The following PARVB variants were observed in gnomAD, a reference collection of about 807,000 sequenced individuals.
PARVB encodes parvin beta.
In PARVB, 46 loss-of-function variants were observed where a neutral mutation model predicts 47.0. The ratio of observed to expected loss-of-function variants is 0.98; its 90% CI spans 0.77 to 1.25. PARVB has a LOEUF of 1.25. Ranked by LOEUF, PARVB falls within the 50% of genes most tolerant of loss-of-function variation. PARVB has a pLI of 0.00. For synonymous variants in PARVB, 196 were observed against 196.3 expected, an observed-to-expected ratio of 1.00 and a Z score of 0.01; for missense variants, 473 against 471.6, an observed-to-expected ratio of 1.00 and a Z score of -0.03.
At chr22:44,077,455 C>T (rs2051802170) in intron 1 of PARVB, among the ~76,000 whole-genome samples, 1 of 152,214 alleles carries the variant, frequency 6.6e-6, no homozygotes, top group Admixed American at 6.5e-5. Context: ...GCCACAGTCA[C>T]AGGTGTTGGG....
At chr22:44,033,534 T>C (rs1378731893) in intron 1 of PARVB, among the ~76,000 whole-genome samples, 2 of 152,214 alleles carry the variant, frequency 1.3e-5, no homozygotes, top group African/African-American at 2.4e-5. Context: ...GGGAGTTCTT[T>C]ACGCTTGCCT....
intron 7 of PARVB, 80 bp from the exon 8 acceptor site, chr22:44,140,044 C>G (rs2053520379): frequency 6.3e-7 from 1 of 1,581,508 alleles, no homozygotes; most frequent in East Asian, 2.2e-5. Flanking sequence ...TGGCTCTGTC[C>G]CTCATCCTCC....
intron 1 of PARVB, among the ~76,000 whole-genome samples, chr22:44,051,264 T>TA (rs1206574690): frequency 6.6e-6 from 1 of 152,156 alleles, no homozygotes; most frequent in African/African-American, 2.4e-5. Flanking sequence ...CAACAATTCT[T>TA]ACGAAGAGAG....
At chr22:44,085,844 G>A (rs2052012114) in intron 1 of PARVB, among the ~76,000 whole-genome samples, 1 of 152,226 alleles carries the variant, frequency 6.6e-6, no homozygotes, top group South Asian at 2.1e-4. Context: ...TAGATCAGCA[G>A]GCTGTCATGC....
Position 44,110,068 on chromosome 22 carries a change from C to A in PARVB, c.274-8970C>A, listed in dbSNP as rs990679086. Reference sequence around the variant, plus strand: ...GCGGAGCTTGCAGTGAGCCGAGATCCCGCCACTGCACTCCAGCCTGGGCGA... The same window carrying A: ...GCGGAGCTTGCAGTGAGCCGAGATCACGCCACTGCACTCCAGCCTGGGCGA... On this transcript the variant is annotated intron_variant, in intron 3 of 12. Transcript: ENST00000338758. 5.1e-5 allele frequency: 7 copies of A among 136,538 alleles called. No individual in the cohort carries two copies. The South Asian group carries it at 7.0e-4, about 14-fold the overall frequency. The allele number at this position is 136,538 out of a possible 1,614,324, so 8.5% of individuals were successfully genotyped here. A position where few individuals can be genotyped will look rare whatever the true frequency, so the allele number is the denominator to read the frequency against.
At chr22:44,111,432 C>CTTTTTTTTTTTTTTTTTTTTTT in intron 3 of PARVB, 1 of 59,234 alleles carries the variant, frequency 1.7e-5, no homozygotes, top group Non-Finnish European at 2.9e-5. Context: ...CCTGCAAAAC[C>CTTTTTTTTTTTTTTTTTTTTTT]TTTTTTTTTT....
intron 3 of PARVB, among the ~76,000 whole-genome samples, chr22:44,118,708 GGT>G (rs1237843479): frequency 1.3e-5 from 2 of 152,148 alleles, no homozygotes; most frequent in Non-Finnish European, 2.9e-5. Flanking sequence ...CTCTGGACCT[GGT>G]GGTGGCCGCA....
At chr22:44,114,443 G>A in intron 3 of PARVB, 1 of 104,646 alleles carries the variant, frequency 9.6e-6, no homozygotes, top group Non-Finnish European at 1.9e-5. Flanking sequence ...ACTAAGTAAG[G>A]CCCTGCACCA....
chr22:44,137,342 C>T (rs1015971013), intron 7 of PARVB, among the ~76,000 whole-genome samples: 2 of 152,124 alleles, frequency 1.3e-5, no homozygotes, highest in East Asian at 1.9e-4. Flanking sequence ...CCCAGGCCCA[C>T]GAAGGGAACA....
intron 1 of PARVB, among the ~76,000 whole-genome samples, chr22:44,032,641 A>G (rs2050846048): frequency 6.6e-6 from 1 of 152,080 alleles, no homozygotes; most frequent in South Asian, 2.1e-4. Flanking sequence ...CTCATCAGCA[A>G]TTGAGTGAGC....
Position 44,042,180 on chromosome 22 carries a change from T to G in PARVB, c.112+17729T>G, listed in dbSNP as rs193215883. Among the ~76,000 whole-genome samples the G allele has an allele frequency of 8.4e-3, 1,276 of 152,002 alleles. 17 individuals carry two copies. Among genetic ancestry groups the G allele is most frequent in the African/African-American group, 0.029 (1,206 of 41,462 alleles). ...CTCATGCCTGTAATCCCAGCACTTT[T>G]GGAGGCCGAGGCAGGTGGATTGCCT... is the stretch of plus-strand genomic sequence containing the variant. On this transcript the variant is annotated intron_variant, in intron 1 of 12. Coordinates refer to ENST00000338758, the MANE Select transcript of PARVB (RefSeq NM_013327.5).
intron 1 of PARVB, among the ~76,000 whole-genome samples, chr22:44,027,330 A>G (rs2146883721): frequency 6.6e-6 from 1 of 152,282 alleles, no homozygotes; most frequent in Middle Eastern, 3.4e-3. Context: ...GAGGTCGGGG[A>G]CAGCCCAGCT....
chr22:44,046,605 A>T (rs899654744), intron 1 of PARVB, among the ~76,000 whole-genome samples: 1 of 152,256 alleles, frequency 6.6e-6, no homozygotes, highest in Non-Finnish European at 1.5e-5. Context: ...ACAATCATTG[A>T]GCCTCGGCAG....
At chr22:44,048,561 TTTTA>T (rs934865355) in intron 1 of PARVB, among the ~76,000 whole-genome samples, 4 of 151,840 alleles carry the variant, frequency 2.6e-5, no homozygotes, top group African/African-American at 9.7e-5. Context: ...TTAATTTTAT[TTTTA>T]TTTATTTATT....
chr22:44,122,245 CCTTGAGGGG>C (rs1369446371), intron 4 of PARVB, among the ~76,000 whole-genome samples: 3 of 152,060 alleles, frequency 2.0e-5, no homozygotes, highest in African/African-American at 7.2e-5. Flanking sequence ...CATCCCAGCA[CCTTGAGGGG>C]CTGAGCCAGG....
At chr22:44,131,120 CCTTT>C (rs1489495114) in intron 4 of PARVB, among the ~76,000 whole-genome samples, 1 of 101,708 alleles carries the variant, frequency 9.8e-6, no homozygotes, top group African/African-American at 3.7e-5. Context: ...TTCCTTCCTT[CCTTT>C]TTCTTTCTTT....
intron 3 of PARVB, among the ~76,000 whole-genome samples, chr22:44,118,523 T>C (rs2052964988): frequency 6.6e-6 from 1 of 152,174 alleles, no homozygotes; most frequent in African/African-American, 2.4e-5. Context: ...TTAGGGTGGG[T>C]TGAGACTTAG....
rs2050390654 is a variant in PARVB, at chr22:43,999,610, G to T, written c.148G>T (p.Gly50Cys). 2 of 1,613,828 alleles carry T rather than the reference G, an allele frequency of 1.2e-6. No homozygotes were observed. The highest frequency in any genetic ancestry group is 1.7e-6 in the Non-Finnish European group (2 of 1,179,850). ...CCAGGCACTCATGGCTTCTCTGGCTGGTTCACTTCTCCCTGGCTCAGACAG... is the reference window on the plus strand; with the variant it reads ...CCAGGCACTCATGGCTTCTCTGGCTTGTTCACTTCTCCCTGGCTCAGACAG... The change falls in exon 2 of 14, where the codon GGT becomes TGT. Residue 50 changes from glycine (G) to cysteine (C), a missense_variant. By Grantham distance (159) the Gly-to-Cys change is radical. Coordinates refer to the PARVB transcript ENST00000406477.
At chr22:44,073,003 G>A (rs2051688133) in intron 1 of PARVB, among the ~76,000 whole-genome samples, 1 of 152,114 alleles carries the variant, frequency 6.6e-6, no homozygotes, top group Non-Finnish European at 1.5e-5. Context: ...GGGTGCTGGA[G>A]CCCTCAGAGC....
Sources: gnomAD v4.1 joint callset for allele counts (sites outside exome capture counted in the v4.1 genomes callset) on GRCh38, gnomAD v4.1.1 for gene constraint, MANE v1.5 for transcripts, NCBI Gene and HGNC (gene_info 2026-07-23, HGNC 2026-07-21) for gene names.